Variants in ANKRD44 observed in about 807,000 individuals in gnomAD.
ANKRD44 encodes the protein ankyrin repeat domain 44, also known as serine/threonine-protein phosphatase 6 regulatory ankyrin repeat subunit B.
ANKRD44 carries 35 observed loss-of-function variants against 116.0 expected under a neutral mutation model. That is an observed-to-expected ratio of 0.30 (90% confidence interval 0.23 to 0.40). The LOEUF (loss-of-function observed/expected upper bound fraction) is 0.40. Ranked by LOEUF, ANKRD44 falls within the 10% of genes least tolerant of loss-of-function variation. ANKRD44 has a pLI of 1.00. For synonymous variants in ANKRD44, 435 were observed against 461.8 expected, an observed-to-expected ratio of 0.94 and a Z score of 0.74; for missense variants, 1,014 against 1,242.6, an observed-to-expected ratio of 0.82 and a Z score of 2.77.
chr2:197,078,599 T>C, intron 16 of ANKRD44, 104 bp downstream of exon 16: 4 of 1,537,482 alleles, frequency 2.6e-6, no homozygotes, highest in Non-Finnish European at 3.5e-6. Context: ...ACCCACTTTT[T>C]ACACAAGCCA....
chr2:197,084,365 T>C (rs554463208), intron 13 of ANKRD44, among the ~76,000 whole-genome samples: 6 of 152,188 alleles, frequency 3.9e-5, no homozygotes, highest in Non-Finnish European at 8.8e-5. Context: ...CAGGGGCTAG[T>C]TCTCTTTAGT....
At chr2:196,978,626 G>A (rs568117637) in intron 21 of ANKRD44, among the ~76,000 whole-genome samples, 2 of 152,270 alleles carry the variant, frequency 1.3e-5, no homozygotes, top group Admixed American at 1.3e-4. Context: ...AATAGAGAAT[G>A]ACTGTTAATG....
At chr2:197,278,345 T>C (rs1156469218) in intron 1 of ANKRD44, among the ~76,000 whole-genome samples, 1 of 152,058 alleles carries the variant, frequency 6.6e-6, no homozygotes, top group Non-Finnish European at 1.5e-5. Context: ...ATCCAGGTAG[T>C]TACAAAACTT....
chr2:196,991,763 G>T (rs1001351406), intron 27 of ANKRD44, among the ~76,000 whole-genome samples: 17 of 144,982 alleles, frequency 1.2e-4, no homozygotes, highest in African/African-American at 4.0e-4. Flanking sequence ...TCTTTTTTTG[G>T]TTTTTTTTTT....
At chr2:197,296,146 G>A (rs1346402958) in intron 1 of ANKRD44, among the ~76,000 whole-genome samples, 2 of 152,214 alleles carry the variant, frequency 1.3e-5, no homozygotes, top group Admixed American at 1.3e-4. Context: ...GCAGTGGGGT[G>A]CTTAAAACCA....
At chr2:196,971,486 A>G (rs2075715565) in intron 21 of ANKRD44, among the ~76,000 whole-genome samples, 1 of 152,164 alleles carries the variant, frequency 6.6e-6, no homozygotes, top group Admixed American at 6.5e-5. Context: ...TCTCCTGAGT[A>G]GCTGGGAGTA....
At chr2:197,040,297 T>A (rs373121495) in intron 16 of ANKRD44, among the ~76,000 whole-genome samples, 1 of 151,614 alleles carries the variant, frequency 6.6e-6, no homozygotes, top group Non-Finnish European at 1.5e-5. Context: ...TTAATTTTTT[T>A]AGTATAATGT....
At chr2:197,304,821 G>A (rs1221643052) in intron 1 of ANKRD44, among the ~76,000 whole-genome samples, 1 of 152,174 alleles carries the variant, frequency 6.6e-6, no homozygotes, top group Non-Finnish European at 1.5e-5. Context: ...GTCCTGGACC[G>A]ATCAGAACTC....
rs1266987102 is a variant in ANKRD44 at position 197,310,764 on chromosome 2, G to T, written c.-160C>A. 6 of 647,134 alleles carry T rather than the reference G, an allele frequency of 9.3e-6. No individual in the cohort carries two copies. Among genetic ancestry groups the T allele is most frequent in the Non-Finnish European group, 1.3e-5 (6 of 474,910 alleles). The allele number at this position is 647,134 out of a possible 1,614,324, so 40.1% of individuals were successfully genotyped here. A position where few individuals can be genotyped will look rare whatever the true frequency, so the allele number is the denominator to read the frequency against. The stretch of plus-strand genomic sequence containing the variant: ...TCCTCCTCCGCCGCCGCCTCCTCCC[G>T]CCGAGAGGCTGACACTGGCTAGTGG... On this transcript the variant is annotated 5_prime_UTR_variant, in exon 1 of 28. Coordinates refer to ENST00000282272, the MANE Select transcript of ANKRD44 (RefSeq NM_001195144.2).
chr2:197,152,175 G>A (rs2079669395), intron 2 of ANKRD44, among the ~76,000 whole-genome samples: 1 of 152,160 alleles, frequency 6.6e-6, no homozygotes, highest in Non-Finnish European at 1.5e-5. Context: ...ACCTATAGTG[G>A]CCGAGCTAAG....
intron 2 of ANKRD44, among the ~76,000 whole-genome samples, chr2:197,164,519 G>T (rs542900618): frequency 7.2e-5 from 11 of 152,328 alleles, no homozygotes; most frequent in African/African-American, 2.2e-4. Context: ...CCCCACCGCA[G>T]CGGCTCCTGG....
intron 16 of ANKRD44, among the ~76,000 whole-genome samples, chr2:197,026,047 C>CAAAAAAAAAAAAAAA (rs111706910): frequency 3.1e-5 from 4 of 130,368 alleles, no homozygotes; most frequent in Non-Finnish European, 6.4e-5. Context: ...TAAAAAGAAA[C>CAAAAAAAAAAAAAAA]AAAAAAAAAA....
intron 1 of ANKRD44, among the ~76,000 whole-genome samples, chr2:197,238,861 C>T (rs1027380087): frequency 2.6e-5 from 4 of 152,074 alleles, no homozygotes; most frequent in African/African-American, 7.2e-5. Context: ...TGTACCACCA[C>T]GCCTGGCAAA....
chr2:197,273,994 T>TAG lies in ANKRD44; in HGVS notation c.27+36583_27+36584insCT, dbSNP rs2082996124. On this transcript the variant is annotated intron_variant, in intron 1 of 27. Transcript: ENST00000282272. ...AAAAAAAAAAAAATATATATATATA[T>TAG]ATATATATATATATATATATATATA... Among the ~76,000 whole-genome samples the TAG allele has an allele frequency of 1.8e-4, 4 of 22,090 alleles. 1 individual carries two copies. In the Admixed American group the frequency reaches 2.1e-3, roughly 12 times the overall value. The allele number at this position is 22,090 out of a possible 152,430, so 14.5% of individuals were successfully genotyped here.
intron 2 of ANKRD44, among the ~76,000 whole-genome samples, chr2:197,170,167 G>A (rs1415954683): frequency 7.5e-6 from 1 of 134,064 alleles, no homozygotes; most frequent in African/African-American, 2.9e-5. Context: ...TCCAGCCTGG[G>A]CGATAGAACA....
At chr2:196,970,106 T>G (rs1258350187) in intron 21 of ANKRD44, among the ~76,000 whole-genome samples, 1 of 152,182 alleles carries the variant, frequency 6.6e-6, no homozygotes, top group Non-Finnish European at 1.5e-5. Flanking sequence ...GATCCTAAAT[T>G]TGTCATGCTG....
At chr2:197,110,228 C>T (rs759454100) in intron 9 of ANKRD44, among the ~76,000 whole-genome samples, 7 of 152,128 alleles carry the variant, frequency 4.6e-5, no homozygotes, top group South Asian at 2.1e-4. Context: ...CTGCCCACCT[C>T]GGCCTCCCAA....
At chr2:197,151,139 AAT>A (rs1388578109) in intron 2 of ANKRD44, among the ~76,000 whole-genome samples, 2 of 116,954 alleles carry the variant, frequency 1.7e-5, no homozygotes, top group African/African-American at 2.9e-5. Context: ...AAAAAAAAAA[AAT>A]GGGTTTTAGA....
chr2:197,081,828 A>T (rs1215017757), intron 14 of ANKRD44, 103 bp from the exon 15 acceptor site: 1 of 884,176 alleles, frequency 1.1e-6, no homozygotes, highest in African/African-American at 1.7e-5. Flanking sequence ...TTTTTACCCC[A>T]ACCCAAAAGA....
Sources: gnomAD v4.1 joint callset for allele counts (sites outside exome capture counted in the v4.1 genomes callset) on GRCh38, gnomAD v4.1.1 for gene constraint, MANE v1.5 for transcripts, NCBI Gene and HGNC (gene_info 2026-07-23, HGNC 2026-07-21) for gene names.